MEMO1: variants seen among roughly 807,000 people sequenced by gnomAD.
MEMO1 encodes the protein protein MEMO1.
A neutral mutation model predicts 45.2 loss-of-function variants in MEMO1; 6 were observed. The observed-to-expected ratio is 0.13, with a 90% CI of 0.07 to 0.26. MEMO1 has a LOEUF of 0.26. Among genes scored for constraint, MEMO1 ranks in the 10% least tolerant of loss-of-function variants. The pLI, the probability that MEMO1 is intolerant of heterozygous loss-of-function variation, is 1.00. For synonymous variants in MEMO1, 78 were observed against 124.3 expected (o/e 0.63, Z 2.48); for missense variants, 184 against 370.5 (o/e 0.50, Z 4.13).
chr2:31,927,610 G>T, intron 4 of MEMO1, among the ~76,000 whole-genome samples: 1 of 140,860 alleles, frequency 7.1e-6, no homozygotes, highest in Admixed American at 7.1e-5. Flanking sequence ...TTAATAACTA[G>T]TAAAACTGTA....
At chr2:31,966,499 G>C (rs1386724506) in intron 2 of MEMO1, among the ~76,000 whole-genome samples, 1 of 152,184 alleles carries the variant, frequency 6.6e-6, no homozygotes, top group Non-Finnish European at 1.5e-5. Context: ...GGGAGGCCAA[G>C]GCAGGGGGAT....
chr2:31,893,444 C>A (rs899184399), intron 6 of MEMO1: 1 of 819,670 alleles, frequency 1.2e-6, no homozygotes, highest in South Asian at 5.2e-5. Context: ...TTAGTTAAGA[C>A]TGATTGTCAA....
intron 2 of MEMO1, among the ~76,000 whole-genome samples, chr2:31,951,931 TATGCTTTTTACA>T (rs1321819201): frequency 1.3e-4 from 20 of 152,222 alleles, no homozygotes; most frequent in African/African-American, 4.8e-4. Context: ...AATTTATTGC[TATGCTTTTTACA>T]AAATTCATAT....
At chr2:31,974,244 C>A (rs776606153) in intron 2 of MEMO1, among the ~76,000 whole-genome samples, 1 of 152,122 alleles carries the variant, frequency 6.6e-6, no homozygotes, top group Non-Finnish European at 1.5e-5. Flanking sequence ...CAATTTATGA[C>A]ATCATTTGCA....
intron 7 of MEMO1, among the ~76,000 whole-genome samples, chr2:31,885,395 C>G (rs1676040617): frequency 1.3e-5 from 2 of 152,250 alleles, no homozygotes; most frequent in Admixed American, 1.3e-4. Context: ...GCTGGGATTA[C>G]AGGCGTGAGC....
At chr2:32,009,978 C>G (rs1674630715) in intron 2 of MEMO1, among the ~76,000 whole-genome samples, 1 of 150,828 alleles carries the variant, frequency 6.6e-6, no homozygotes, top group Admixed American at 6.6e-5. Context: ...CGGCCCCGGG[C>G]TGCCGGCGCG....
At chr2:31,902,317 G>T (rs1678972426) in intron 6 of MEMO1, among the ~76,000 whole-genome samples, 1 of 152,078 alleles carries the variant, frequency 6.6e-6, no homozygotes, top group South Asian at 2.1e-4. Flanking sequence ...AGAATCATTT[G>T]AACCTGGGAG....
intron 3 of MEMO1, among the ~76,000 whole-genome samples, chr2:31,939,015 G>A (rs1665289883): frequency 1.3e-5 from 2 of 151,024 alleles, no homozygotes; most frequent in Admixed American, 1.3e-4. Context: ...AAACTCCTGA[G>A]CTCAAGCATC....
intron 6 of MEMO1, among the ~76,000 whole-genome samples, chr2:31,897,306 G>A (rs1677998651): frequency 6.6e-6 from 1 of 152,142 alleles, no homozygotes; most frequent in Non-Finnish European, 1.5e-5. Context: ...GTTTTCAAAG[G>A]GAATGTTTCC....
At chr2:31,994,872 C>T (rs764207884) in intron 2 of MEMO1, among the ~76,000 whole-genome samples, 105 of 151,618 alleles carry the variant, frequency 6.9e-4, no homozygotes, top group Non-Finnish European at 1.3e-3. Context: ...CAATTGAGCC[C>T]TGGAGGTCGA....
chr2:31,941,318 C>G (rs938024393), intron 3 of MEMO1, among the ~76,000 whole-genome samples: 1 of 152,172 alleles, frequency 6.6e-6, no homozygotes, highest in Non-Finnish European at 1.5e-5. Context: ...CCTCAGCTAT[C>G]TGCACAGCTT....
chr2:31,923,554 T>A (rs1374123906), intron 4 of MEMO1: 5 of 1,339,172 alleles, frequency 3.7e-6, no homozygotes, highest in Non-Finnish European at 3.9e-6. Context: ...CACTTTGTTT[T>A]AAATTAAAGG....
intron 7 of MEMO1, 65 bp from the exon 8 acceptor site, chr2:31,883,527 G>A (rs1572561575): frequency 1.0e-5 from 12 of 1,179,806 alleles, no homozygotes; most frequent in South Asian, 3.0e-5. Context: ...GAAAGCAAGC[G>A]CTTACCAAAT....
intron 2 of MEMO1, among the ~76,000 whole-genome samples, chr2:31,983,631 T>C (rs1488393644): frequency 2.0e-5 from 3 of 152,058 alleles, no homozygotes; most frequent in African/African-American, 7.2e-5. Context: ...ACACGGTTTC[T>C]CCATGTTGGT....
intron 6 of MEMO1, among the ~76,000 whole-genome samples, chr2:31,913,248 CAA>C (rs3065389): frequency 2.3e-5 from 1 of 44,420 alleles, no homozygotes; most frequent in Admixed American, 2.4e-4. Flanking sequence ...GACTCCGTCT[CAA>C]AAAAAAAAAA....
At chr2:31,911,477 C>T (rs897145874) in intron 6 of MEMO1, among the ~76,000 whole-genome samples, 1 of 152,048 alleles carries the variant, frequency 6.6e-6, no homozygotes, top group African/African-American at 2.4e-5. Context: ...TGGTAAAAAC[C>T]GTAAGACTAT....
intron 2 of MEMO1, among the ~76,000 whole-genome samples, chr2:31,982,452 T>C (rs1670755747): frequency 6.6e-6 from 1 of 151,324 alleles, no homozygotes; most frequent in Non-Finnish European, 1.5e-5. Context: ...TAGCTGGGCA[T>C]GGAGGTGAAC....
chr2:31,914,356 T>C (rs1032853858), intron 6 of MEMO1, among the ~76,000 whole-genome samples: 1 of 152,004 alleles, frequency 6.6e-6, no homozygotes, highest in Non-Finnish European at 1.5e-5. Context: ...CTGGGAAGAA[T>C]AGTGGAGGGC....
At chr2:31,937,453 G>A (rs1364453406) in intron 3 of MEMO1, among the ~76,000 whole-genome samples, 1 of 152,122 alleles carries the variant, frequency 6.6e-6, no homozygotes, top group Non-Finnish European at 1.5e-5. Flanking sequence ...AATAAGCTGT[G>A]CATCCTCAGT....
Sources: gnomAD v4.1 joint callset for allele counts (sites outside exome capture counted in the v4.1 genomes callset) on GRCh38, gnomAD v4.1.1 for gene constraint, MANE v1.5 for transcripts, NCBI Gene and HGNC (gene_info 2026-07-23, HGNC 2026-07-21) for gene names.